KIAA1217: variants seen among roughly 807,000 people sequenced by gnomAD.
KIAA1217 encodes the protein KIAA1217.
Under a neutral mutation model 163.9 loss-of-function variants are expected in KIAA1217, and 88 were observed. That is an observed-to-expected ratio of 0.54 (90% CI 0.45 to 0.64). KIAA1217 has a LOEUF of 0.64. Among genes scored for constraint, KIAA1217 ranks in the 30% least tolerant of loss-of-function variants. The pLI, the probability that KIAA1217 is intolerant of heterozygous loss-of-function variation, is 0.00. For synonymous variants in KIAA1217, 903 were observed against 923.1 expected (o/e 0.98, Z 0.39); for missense variants, 2,372 against 2,475.0 (o/e 0.96, Z 0.88).
chr10:24,520,509 C>T (rs1246516123), intron 11 of KIAA1217, among the ~76,000 whole-genome samples: 1 of 150,376 alleles, frequency 6.6e-6, no homozygotes, highest in Non-Finnish European at 1.5e-5. Flanking sequence ...ATTTGCTAGG[C>T]TCTTACAGTG....
intron 2 of KIAA1217, among the ~76,000 whole-genome samples, chr10:24,341,312 T>A (rs907482535): frequency 1.3e-5 from 2 of 152,144 alleles, no homozygotes; most frequent in Middle Eastern, 3.2e-3. Context: ...ATTAAATCCT[T>A]CATTGGGATG....
chr10:24,284,354 A>T (rs1243304733), intron 2 of KIAA1217, among the ~76,000 whole-genome samples: 1 of 152,100 alleles, frequency 6.6e-6, no homozygotes, highest in Non-Finnish European at 1.5e-5. Context: ...ACTCAATAGG[A>T]AGTTTTTCAG....
intron 1 of KIAA1217, among the ~76,000 whole-genome samples, chr10:23,709,575 C>T (rs568364519): frequency 4.6e-5 from 7 of 152,016 alleles, no homozygotes; most frequent in South Asian, 2.1e-4. Context: ...TCCTTTCATC[C>T]GAATGCCCCT....
chr10:24,543,827 A>G lies in KIAA1217; in HGVS notation c.4557A>G (p.Thr1519=), dbSNP rs1256812238. The G allele has an allele frequency of 1.2e-6, 2 of 1,614,112 alleles. No homozygotes were observed. The highest frequency in any genetic ancestry group is 2.2e-5 in the South Asian group (2 of 91,068). Residue 1519 remains threonine (T), a synonymous_variant, in exon 19 of 21, where the codon ACA becomes ACG. Coordinates refer to ENST00000376454, the MANE Select transcript of KIAA1217 (RefSeq NM_019590.5). The part of the protein sequence containing the change: ...GNLRTGQQVE[T]KSQPHSLATE... Reference sequence around the variant, plus strand: ...TTAGAACCGGACAACAGGTGGAAACAAAGTCACAGCCACACTCCCTGGCCA... The same window carrying G: ...TTAGAACCGGACAACAGGTGGAAACGAAGTCACAGCCACACTCCCTGGCCA...
intron 1 of KIAA1217, among the ~76,000 whole-genome samples, chr10:23,905,816 G>A (rs1304404422): frequency 2.6e-5 from 4 of 152,274 alleles, no homozygotes; most frequent in African/African-American, 9.6e-5. Flanking sequence ...CCAAGACTGA[G>A]ATGACTTTGG....
At chr10:24,122,482 A>T (rs2063320333) in intron 2 of KIAA1217, among the ~76,000 whole-genome samples, 1 of 152,192 alleles carries the variant, frequency 6.6e-6, no homozygotes, top group Non-Finnish European at 1.5e-5. Context: ...ATATCAGAAT[A>T]GTCCATGATT....
At chr10:24,233,274 G>A (rs2071711364) in intron 2 of KIAA1217, among the ~76,000 whole-genome samples, 1 of 152,192 alleles carries the variant, frequency 6.6e-6, no homozygotes, top group African/African-American at 2.4e-5. Context: ...TTGAAGAGGT[G>A]CCAGGCTCTT....
At chr10:23,833,514 T>C (rs371723722) in intron 1 of KIAA1217, among the ~76,000 whole-genome samples, 5 of 151,872 alleles carry the variant, frequency 3.3e-5, no homozygotes, top group African/African-American at 9.7e-5. Flanking sequence ...AACCATTATC[T>C]TTCCTTAGCA....
At chr10:24,436,690 G>A (rs145497267) in intron 4 of KIAA1217, among the ~76,000 whole-genome samples, 22 of 143,148 alleles carry the variant, frequency 1.5e-4, no homozygotes, top group African/African-American at 4.5e-4. Flanking sequence ...CCCGGGAAGC[G>A]GAACTCACAG....
At chr10:24,229,404 C>A (rs958761736) in intron 2 of KIAA1217, among the ~76,000 whole-genome samples, 2 of 152,172 alleles carry the variant, frequency 1.3e-5, no homozygotes, top group African/African-American at 4.8e-5. Flanking sequence ...TATTCTAATC[C>A]AATGGCGAAA....
chr10:24,519,853 G>A (rs1365341173), intron 10 of KIAA1217, among the ~76,000 whole-genome samples: 1 of 151,844 alleles, frequency 6.6e-6, no homozygotes, highest in African/African-American at 2.4e-5. Context: ...AAAAAGACTC[G>A]GTCCTCTGTT....
intron 2 of KIAA1217, among the ~76,000 whole-genome samples, chr10:24,173,157 C>A (rs1481024308): frequency 6.6e-6 from 1 of 152,132 alleles, no homozygotes; most frequent in Non-Finnish European, 1.5e-5. Context: ...GTATTAGATT[C>A]TCATAGGAGT....
At chr10:24,002,673 T>C (rs753084548) in intron 1 of KIAA1217, among the ~76,000 whole-genome samples, 4 of 149,630 alleles carry the variant, frequency 2.7e-5, no homozygotes, top group Admixed American at 2.6e-4. Flanking sequence ...ATTTTGGTAG[T>C]TTTGGGGGTA....
chr10:23,769,875 T>C (rs10828544), intron 1 of KIAA1217, among the ~76,000 whole-genome samples: 45,907 of 152,104 alleles, frequency 0.3, 8,851 homozygotes, highest in African/African-American at 0.55. Flanking sequence ...GCCTTAATGA[T>C]CTGAGAGGTC....
chr10:24,522,534 G>A (rs1453830716), intron 12 of KIAA1217, among the ~76,000 whole-genome samples: 9 of 152,204 alleles, frequency 5.9e-5, no homozygotes, highest in Non-Finnish European at 1.5e-5. Context: ...GAGGAACAAA[G>A]CATTTTGAGT....
chr10:24,016,666 G>C (rs777779973), intron 2 of KIAA1217, among the ~76,000 whole-genome samples: 2 of 152,116 alleles, frequency 1.3e-5, no homozygotes, highest in Non-Finnish European at 2.9e-5. Context: ...TCTGGAGTCA[G>C]ACTGCAAGGG....
At chr10:24,260,586 C>CAAAAAAAA (rs11352927) in intron 2 of KIAA1217, among the ~76,000 whole-genome samples, 1 of 61,166 alleles carries the variant, frequency 1.6e-5, no homozygotes. Flanking sequence ...CTCATCTCTA[C>CAAAAAAAA]AAAAAAAAAA....
chr10:23,713,284 A>T (rs7917887), intron 1 of KIAA1217, among the ~76,000 whole-genome samples: 29 of 152,122 alleles, frequency 1.9e-4, no homozygotes, highest in African/African-American at 7.0e-4. Flanking sequence ...TATCATACTG[A>T]GTTATTTCTC....
intron 2 of KIAA1217, among the ~76,000 whole-genome samples, chr10:24,026,326 A>T (rs1398300954): frequency 3.9e-5 from 6 of 151,902 alleles, no homozygotes; most frequent in Admixed American, 3.9e-4. Flanking sequence ...TTTCTGAGAG[A>T]GTATAAATAA....
Sources: gnomAD v4.1 joint callset for allele counts (sites outside exome capture counted in the v4.1 genomes callset) on GRCh38, gnomAD v4.1.1 for gene constraint, MANE v1.5 for transcripts, NCBI Gene and HGNC (gene_info 2026-07-23, HGNC 2026-07-21) for gene names.